The following SORCS3 variants were observed in gnomAD, a reference collection of about 807,000 sequenced individuals.
SORCS3 encodes the protein sortilin related VPS10 domain containing receptor 3.
Under a neutral mutation model 146.3 loss-of-function variants are expected in SORCS3, and 57 were observed. The ratio of observed to expected loss-of-function variants is 0.39; its 90% CI spans 0.31 to 0.49. The LOEUF (loss-of-function observed/expected upper bound fraction) is 0.49. Among genes scored for constraint, SORCS3 ranks in the 20% least tolerant of loss-of-function variants. The probability of loss-of-function intolerance (pLI) is 0.92; values close to 1 mark genes in which losing one functional copy is unlikely to be tolerated. For missense variants in SORCS3, 1,341 were observed against 1,575.5 expected (o/e 0.85, Z 2.52); for synonymous variants, 653 against 618.5 (o/e 1.06, Z -0.83).
At chr10:104,828,016 G>A (rs780089977) in intron 1 of SORCS3, among the ~76,000 whole-genome samples, 11 of 152,180 alleles carry the variant, frequency 7.2e-5, no homozygotes, top group Non-Finnish European at 1.3e-4. Flanking sequence ...TGGCTTAAAT[G>A]AGTGTTGTGG....
At chr10:105,007,286 C>G (rs1018506253) in intron 4 of SORCS3, among the ~76,000 whole-genome samples, 4 of 152,064 alleles carry the variant, frequency 2.6e-5, no homozygotes, top group African/African-American at 9.7e-5. Context: ...AATTTCTGCT[C>G]TCAAGGATCT....
intron 1 of SORCS3, among the ~76,000 whole-genome samples, chr10:104,783,460 G>A (rs1006278345): frequency 7.9e-5 from 12 of 152,304 alleles, no homozygotes; most frequent in African/African-American, 2.2e-4. Context: ...GGGGCCGGGC[G>A]TGGTGGCTCA....
chr10:104,744,164 T>C (rs1470999745), intron 1 of SORCS3, among the ~76,000 whole-genome samples: 1 of 152,202 alleles, frequency 6.6e-6, no homozygotes, highest in Non-Finnish European at 1.5e-5. Context: ...AGAGCTCTTC[T>C]CCTTTGCCTC....
chr10:104,818,026 G>A (rs2017824573), intron 1 of SORCS3, among the ~76,000 whole-genome samples: 1 of 151,982 alleles, frequency 6.6e-6, no homozygotes. Flanking sequence ...CTCATTTAAT[G>A]CCTTGAATGA....
intron 2 of SORCS3, among the ~76,000 whole-genome samples, chr10:104,908,184 G>C (rs1564710810): frequency 6.6e-6 from 1 of 152,280 alleles, no homozygotes; most frequent in East Asian, 1.9e-4. Context: ...CTGCTAGTGG[G>C]TGCTCCCCAA....
intron 1 of SORCS3, 114 bp downstream of exon 1, chr10:104,642,068 C>G (rs1233382000): frequency 1.6e-6 from 2 of 1,257,350 alleles, no homozygotes; most frequent in South Asian, 1.5e-5. Flanking sequence ...GGGGACGCCT[C>G]GACTTTTCGA....
intron 3 of SORCS3, among the ~76,000 whole-genome samples, chr10:104,967,556 C>G (rs2054832794): frequency 1.3e-5 from 2 of 152,256 alleles, no homozygotes; most frequent in East Asian, 3.9e-4. Flanking sequence ...GCAATTTTCT[C>G]CACAAAGTTC....
chr10:104,681,077 G>T (rs920784979), intron 1 of SORCS3, among the ~76,000 whole-genome samples: 3 of 152,214 alleles, frequency 2.0e-5, no homozygotes, highest in Non-Finnish European at 4.4e-5. Context: ...TTGCGCATGC[G>T]CTTGGGCGTA....
intron 3 of SORCS3, among the ~76,000 whole-genome samples, chr10:104,976,292 CA>C (rs1239851041): frequency 2.0e-5 from 3 of 151,988 alleles, no homozygotes. Flanking sequence ...TTTATGCAGC[CA>C]AAAAACACAT....
intron 1 of SORCS3, among the ~76,000 whole-genome samples, chr10:104,744,377 A>G (rs1220125677): frequency 6.6e-6 from 1 of 152,194 alleles, no homozygotes; most frequent in Non-Finnish European, 1.5e-5. Context: ...TTCCAGTTGT[A>G]ATAGTAATTT....
At chr10:105,224,798 A>G (rs1044109376) in intron 20 of SORCS3, among the ~76,000 whole-genome samples, 3 of 152,158 alleles carry the variant, frequency 2.0e-5, no homozygotes, top group African/African-American at 4.8e-5. Flanking sequence ...ATGTAATGAT[A>G]TCACATTTTT....
intron 1 of SORCS3, among the ~76,000 whole-genome samples, chr10:104,727,820 A>T (rs1344443832): frequency 6.6e-6 from 1 of 152,024 alleles, no homozygotes; most frequent in Admixed American, 6.6e-5. Flanking sequence ...TAGGAGCATG[A>T]ACCTTACTGT....
chr10:105,196,684 GA>G (rs1191885780), intron 14 of SORCS3, among the ~76,000 whole-genome samples: 1 of 152,088 alleles, frequency 6.6e-6, no homozygotes, highest in African/African-American at 2.4e-5. Flanking sequence ...GAGCTCCCTA[GA>G]ATATCAACCT....
At chr10:105,239,004 T>G (rs1273235825) in intron 20 of SORCS3, among the ~76,000 whole-genome samples, 1 of 152,182 alleles carries the variant, frequency 6.6e-6, no homozygotes, top group Non-Finnish European at 1.5e-5. Flanking sequence ...TACTGTATTA[T>G]TTGGCTTTAT....
chr10:105,101,268 A>G (rs1251616804), intron 6 of SORCS3, among the ~76,000 whole-genome samples: 1 of 152,136 alleles, frequency 6.6e-6, no homozygotes, highest in Non-Finnish European at 1.5e-5. Flanking sequence ...TGAGGTTTGA[A>G]CGAAATGATA....
intron 2 of SORCS3, among the ~76,000 whole-genome samples, chr10:104,890,628 T>C (rs2018740157): frequency 6.6e-6 from 1 of 152,214 alleles, no homozygotes; most frequent in Non-Finnish European, 1.5e-5. Context: ...AAATAACTGG[T>C]TTAATGTCCT....
intron 5 of SORCS3, among the ~76,000 whole-genome samples, chr10:105,065,636 G>T (rs531319647): frequency 6.6e-6 from 1 of 152,126 alleles, no homozygotes; most frequent in South Asian, 2.1e-4. Flanking sequence ...TCTTAGCCTG[G>T]GTCTAGAACA....
Position 104,641,791 on chromosome 10 carries a change from G to A in SORCS3, c.464G>A (p.Arg155Lys). 1.3e-6 allele frequency: 2 copies of A among 1,549,724 alleles called. No individual in the cohort carries two copies. Among genetic ancestry groups the A allele is most frequent in the South Asian group, 1.2e-5 (1 of 84,026 alleles). Reference protein sequence around the residue: ...AWATAPADGSRGSRPLAKGSR... With the variant: ...AWATAPADGSKGSRPLAKGSR... ...GCCACTGCTCCGGCCGATGGTTCCA[G>A]AGGAAGCCGTCCCCTTGCTAAGGGT... is the stretch of plus-strand genomic sequence containing the variant. The change falls in exon 1 of 27, where the codon AGA (arginine) becomes AAA (lysine). Residue 155 changes from arginine (R) to lysine (K), a missense_variant. Physicochemically the swap from Arg to Lys is conservative, Grantham distance 26. Transcript: ENST00000369701. This position sits in a 1 kb window ranked among gnomAD's most constrained non-coding sequence, Gnocchi z 6.4.
chr10:105,095,991 T>G (rs753155786), intron 6 of SORCS3, among the ~76,000 whole-genome samples: 4 of 152,090 alleles, frequency 2.6e-5, no homozygotes, highest in Non-Finnish European at 5.9e-5. Context: ...TAGAAATTTG[T>G]GCTTTTCTTA....
Sources: gnomAD v4.1 joint callset for allele counts (sites outside exome capture counted in the v4.1 genomes callset) on GRCh38, gnomAD v4.1.1 for gene constraint, Gnocchi (gnomAD v3.1) non-coding constraint, MANE v1.5 for transcripts, NCBI Gene and HGNC (gene_info 2026-07-23, HGNC 2026-07-21) for gene names.